The following BMP2K variants were observed in gnomAD, a reference collection of about 807,000 sequenced individuals.
The protein encoded by BMP2K is BMP2 inducible kinase.
A neutral mutation model predicts 116.0 loss-of-function variants in BMP2K; 74 were observed. The ratio of observed to expected loss-of-function variants is 0.64; its 90% CI spans 0.53 to 0.77. The LOEUF is 0.77. Among genes scored for constraint, BMP2K ranks in the 30% least tolerant of loss-of-function variants. The probability of loss-of-function intolerance (pLI) is 0.00; values close to 1 mark genes in which losing one functional copy is unlikely to be tolerated. For synonymous variants in BMP2K, 486 were observed against 502.5 expected (o/e 0.97, Z 0.44); for missense variants, 1,365 against 1,403.6 (o/e 0.97, Z 0.44).
chr4:78,908,415 C>T (rs1275659124), intron 15 of BMP2K, among the ~76,000 whole-genome samples: 3 of 152,158 alleles, frequency 2.0e-5, no homozygotes, highest in African/African-American at 7.2e-5. Flanking sequence ...TTTCTTCCTC[C>T]TCTCTGGCTG....
intron 10 of BMP2K, among the ~76,000 whole-genome samples, chr4:78,868,033 C>A (rs776268999): frequency 2.6e-5 from 4 of 152,110 alleles, no homozygotes; most frequent in Admixed American, 2.0e-4. Context: ...GCACTCCAGG[C>A]TGGGCAACAG....
rs759182316 is a variant in BMP2K at position 78,859,666 on chromosome 4, T to C, written c.966T>C (p.Asp322=). ...SYFAFKFAKK[D]CPVSNINNSS... is the part of the protein sequence containing the mutation. ...TTGCATTTAAATTTGCCAAAAAGGA[T>C]TGTCCAGTCTCCAACATCAATGTAA... The change falls in exon 8 of 16, where the codon GAT becomes GAC. Residue 322 remains aspartate, a synonymous_variant. Transcript: ENST00000502613. The C allele has an allele frequency of 6.9e-6, 11 of 1,602,730 alleles. No individual in the cohort carries two copies. Among genetic ancestry groups the C allele is most frequent in the South Asian group, 4.4e-5 (4 of 90,508 alleles).
At chr4:78,805,723 C>T (rs1728784576) in intron 1 of BMP2K, among the ~76,000 whole-genome samples, 1 of 152,158 alleles carries the variant, frequency 6.6e-6, no homozygotes, top group South Asian at 2.1e-4. Flanking sequence ...GTAACCCCAG[C>T]ACTTTGGGAG....
In BMP2K at chr4:78,890,829, T is replaced by C. The variant is rs1733394316; in HGVS notation, c.2062+3545T>C. Among the ~76,000 whole-genome samples the C allele has an allele frequency of 2.0e-5, 3 of 152,204 alleles. No homozygotes were observed. The South Asian group carries it at 6.2e-4, about 32-fold the overall frequency. On this transcript the variant is annotated intron_variant, in intron 15 of 15. Transcript: ENST00000502613. ...AATTCCTGGAGCTCTTCTCATCCTT[T>C]TTCTTGGTTTGTTAGTAAAGCAACT...
intron 1 of BMP2K, among the ~76,000 whole-genome samples, chr4:78,814,984 TG>T (rs1214638917): frequency 6.6e-6 from 1 of 152,120 alleles, no homozygotes; most frequent in Non-Finnish European, 1.5e-5. Context: ...TCCCCCAATT[TG>T]GGAAATTGGA....
rs187966463 is a variant in BMP2K at position 78,882,344 on chromosome 4, T to A, written c.1951+3453T>A. Among the ~76,000 whole-genome samples the A allele has an allele frequency of 1.4e-3, 205 of 151,774 alleles. 2 individuals are homozygous for A. The highest frequency in any genetic ancestry group is 9.6e-3 in the Middle Eastern group (2 of 208). Reference sequence around the variant, plus strand: ...ACCCTTCACTATAAATGAATACCATTTATGGTTCAGAATTGTTTTACCTGT... The same window carrying A: ...ACCCTTCACTATAAATGAATACCATATATGGTTCAGAATTGTTTTACCTGT... On this transcript the variant is annotated intron_variant, in intron 14 of 15. Transcript: ENST00000502613.
At chr4:78,880,297 C>G (rs895938727) in intron 14 of BMP2K, among the ~76,000 whole-genome samples, 1 of 152,180 alleles carries the variant, frequency 6.6e-6, no homozygotes, top group Admixed American at 6.5e-5. Context: ...GTCTCAAACT[C>G]CTGACCTCAG....
At position 78,776,487 on chromosome 4, in the gene BMP2K, C is replaced by T. The variant is rs548621984; in HGVS notation, c.-57C>T. ...CCCTCGCGGACGCCCGGCTGCGCGC[C>T]GGGCCGGGGACTTGCCCTTGCACGC... On this transcript the variant is annotated 5_prime_UTR_variant, in exon 1 of 16. Coordinates refer to ENST00000502613, the MANE Select transcript of BMP2K (RefSeq NM_198892.2). 1,205 of 1,115,024 alleles carry T rather than the reference C, an allele frequency of 1.1e-3. 12 individuals carry two copies. The African/African-American group carries it at 0.018, about 16-fold the overall frequency. The allele number at this position is 1,115,024 out of a possible 1,614,324, so 69.1% of individuals were successfully genotyped here. A position where few individuals can be genotyped will look rare whatever the true frequency, so the allele number is the denominator to read the frequency against.
At chr4:78,878,247 A>T (rs1732725316) in intron 13 of BMP2K, among the ~76,000 whole-genome samples, 1 of 152,202 alleles carries the variant, frequency 6.6e-6, no homozygotes, top group Non-Finnish European at 1.5e-5. Context: ...GTCCCAGCAT[A>T]ACCAAGGCAT....
chr4:78,866,264 G>A (rs1402636198), intron 10 of BMP2K, among the ~76,000 whole-genome samples: 2 of 152,154 alleles, frequency 1.3e-5, no homozygotes, highest in Admixed American at 1.3e-4. Context: ...CCAAAGAAAT[G>A]TCCGTAACAT....
intron 14 of BMP2K, chr4:78,879,121 A>G: frequency 8.1e-7 from 1 of 1,241,408 alleles, no homozygotes; most frequent in South Asian, 3.1e-5. Flanking sequence ...GTATGCTAAT[A>G]TCCTAAAACT....
chr4:78,781,422 A>C (rs1727496658), intron 1 of BMP2K, among the ~76,000 whole-genome samples: 2 of 150,556 alleles, frequency 1.3e-5, no homozygotes, highest in Admixed American at 6.6e-5. Context: ...AGGAAGGAAC[A>C]GATTTTTTTT....
chr4:78,813,846 A>G (rs1729205380), intron 1 of BMP2K, among the ~76,000 whole-genome samples: 1 of 151,922 alleles, frequency 6.6e-6, no homozygotes, highest in Non-Finnish European at 1.5e-5. Context: ...TGTATATTTT[A>G]CTTGTTTATT....
Position 78,842,380 on chromosome 4 carries a change from G to A in BMP2K, c.404-5G>A, listed in dbSNP as rs568523723. 3.2e-6 allele frequency: 5 copies of A among 1,567,062 alleles called. No homozygotes were observed. The highest frequency in any genetic ancestry group is 4.3e-6 in the Non-Finnish European group (5 of 1,149,894). On this transcript the variant is annotated splice_region_variant and splice_polypyrimidine_tract_variant and intron_variant, in intron 3 of 15. Coordinates refer to ENST00000502613, the MANE Select transcript of BMP2K (RefSeq NM_198892.2). ...ATGTCCTCTCAAAATTACTTTTTTG[G>A]TTAGCTGGACAGGTAGTGAATCAAA...
At chr4:78,847,697 A>G (rs539776771) in intron 6 of BMP2K, among the ~76,000 whole-genome samples, 74 of 151,816 alleles carry the variant, frequency 4.9e-4, no homozygotes, top group African/African-American at 1.8e-3. Flanking sequence ...TTACAGTATA[A>G]ACATACCATT....
chr4:78,905,885 A>G (rs1734258295), intron 15 of BMP2K, among the ~76,000 whole-genome samples: 1 of 152,022 alleles, frequency 6.6e-6, no homozygotes. Flanking sequence ...ATTCTTAGCT[A>G]GAGGTCACAT....
rs1374342396 is a variant in BMP2K, at chr4:78,844,605, C to G, written c.547-323C>G. On this transcript the variant is annotated intron_variant, in intron 4 of 15. Transcript: ENST00000502613. ...TAGATAGGATTTAGGGTTTCTTTGC[C>G]CCTGTACAAATCAACCTGGGTTGGA... 2.0e-5 allele frequency among the ~76,000 whole-genome samples: 3 copies of G among 151,410 alleles called. 1 individual carries two copies. Among genetic ancestry groups the G allele is most frequent in the Non-Finnish European group, 4.4e-5 (3 of 67,608 alleles).
chr4:78,891,281 T>C (rs2110080427), intron 15 of BMP2K, among the ~76,000 whole-genome samples: 1 of 152,250 alleles, frequency 6.6e-6, no homozygotes, highest in East Asian at 1.9e-4. Context: ...CTTTTTCTTA[T>C]TCCTGCTCCT....
intron 1 of BMP2K, among the ~76,000 whole-genome samples, chr4:78,780,995 A>G (rs533131137): frequency 6.6e-6 from 1 of 152,286 alleles, no homozygotes; most frequent in East Asian, 1.9e-4. Context: ...GGTGATTTGA[A>G]GTATGTCATG....
Sources: gnomAD v4.1 joint callset for allele counts (sites outside exome capture counted in the v4.1 genomes callset) on GRCh38, gnomAD v4.1.1 for gene constraint, MANE v1.5 for transcripts, NCBI Gene and HGNC (gene_info 2026-07-23, HGNC 2026-07-21) for gene names.